Variants in BAZ1A observed in about 807,000 individuals in gnomAD.
The protein encoded by BAZ1A is bromodomain adjacent to zinc finger domain protein 1A.
BAZ1A carries 50 observed loss-of-function variants against 185.2 expected under a neutral mutation model. That is an observed-to-expected ratio of 0.27 (90% CI 0.22 to 0.34). The LOEUF (loss-of-function observed/expected upper bound fraction) is 0.34. BAZ1A is among the 10% of genes least tolerant of loss of function. The pLI is 1.00. For missense variants in BAZ1A, 1,356 were observed against 1,839.9 expected, an observed-to-expected ratio of 0.74 and a Z score of 4.81; for synonymous variants, 571 against 615.6, an observed-to-expected ratio of 0.93 and a Z score of 1.07.
chr14:34,758,612 G>A, intron 25 of BAZ1A, 92 bp downstream of exon 25: 1 of 1,277,352 alleles, frequency 7.8e-7, no homozygotes, highest in Non-Finnish European at 1.1e-6. Context: ...AAACTAGACA[G>A]TGAGTAACAG....
At position 34,874,037 on chromosome 14, in the gene BAZ1A, C is replaced by T. The variant is rs1190443440; in HGVS notation, c.113+455G>A. Among the ~76,000 whole-genome samples the T allele has an allele frequency of 2.0e-5, 3 of 152,176 alleles. No individual in the cohort carries two copies. The highest frequency in any genetic ancestry group is 7.2e-5 in the African/African-American group (3 of 41,456). On this transcript the variant is annotated intron_variant, in intron 2 of 26. Transcript: ENST00000360310. The surrounding 1 kb of genome is among the most constrained non-coding windows in gnomAD (Gnocchi z 4.7). ...CCCAGCCCAGTCGTTTCCTGCCCAC[C>T]GGGGCAGGAATTCCCTTCCCCGGCC... is the stretch of plus-strand genomic sequence containing the variant.
intron 3 of BAZ1A, among the ~76,000 whole-genome samples, chr14:34,837,191 A>T (rs2042344205): frequency 6.6e-6 from 1 of 151,882 alleles, no homozygotes; most frequent in African/African-American, 2.4e-5. Context: ...GATAATCACT[A>T]GATTCTTACT....
In BAZ1A at chr14:34,801,167, AG is replaced by A; in HGVS notation, c.887del (p.Thr296IlefsTer17). 6.2e-7 allele frequency: 1 copy of A among 1,606,896 alleles called. No homozygotes were observed. Among genetic ancestry groups the A allele is most frequent in the Non-Finnish European group, 8.5e-7 (1 of 1,177,798 alleles). ...TAGCTTTGCTCCTATAACTTGCAAG[AG>A]TCTGTTTATTAGCAACATTGTCCTC... ...SQEDNVANKQ[T>X]LASYRSKATK... On this transcript the variant is annotated frameshift_variant, in exon 8 of 27. Transcript: ENST00000360310. LOFTEE classifies it high-confidence loss of function.
At chr14:34,799,756 C>A in intron 9 of BAZ1A, among the ~76,000 whole-genome samples, 1 of 151,892 alleles carries the variant, frequency 6.6e-6, no homozygotes. Context: ...GGATTACAGG[C>A]GCATACTACC....
intron 2 of BAZ1A, among the ~76,000 whole-genome samples, chr14:34,871,795 C>T (rs1316040202): frequency 6.6e-6 from 1 of 152,148 alleles, no homozygotes; most frequent in East Asian, 1.9e-4. Flanking sequence ...TGCTTGAACC[C>T]GGGAGGCAGA....
At chr14:34,797,468 A>T (rs1594850892) in intron 9 of BAZ1A, among the ~76,000 whole-genome samples, 1 of 152,084 alleles carries the variant, frequency 6.6e-6, no homozygotes, top group Admixed American at 6.6e-5. Context: ...CTGAGGCAGG[A>T]GAATTGCTTG....
chr14:34,872,284 G>A (rs1477692723), intron 2 of BAZ1A, among the ~76,000 whole-genome samples: 1 of 152,076 alleles, frequency 6.6e-6, no homozygotes, highest in Non-Finnish European at 1.5e-5. Context: ...GACTACAAAG[G>A]ATACAATTCC....
At chr14:34,860,646 C>T (rs2042754780) in intron 3 of BAZ1A, among the ~76,000 whole-genome samples, 1 of 151,776 alleles carries the variant, frequency 6.6e-6, no homozygotes, top group Non-Finnish European at 1.5e-5. Context: ...GTGGCTTACA[C>T]CTGTAATCCC....
chr14:34,819,277 A>C (rs1428369185), intron 4 of BAZ1A, among the ~76,000 whole-genome samples: 1 of 152,138 alleles, frequency 6.6e-6, no homozygotes, highest in East Asian at 1.9e-4. Flanking sequence ...GTCTTGGAAC[A>C]TATCCCCCAT....
At chr14:34,779,764 T>C (rs73249117) in intron 17 of BAZ1A, among the ~76,000 whole-genome samples, 95 of 152,304 alleles carry the variant, frequency 6.2e-4, no homozygotes, top group African/African-American at 2.1e-3. Context: ...TTATGAGCAT[T>C]ATTGATCTTT....
intron 3 of BAZ1A, among the ~76,000 whole-genome samples, chr14:34,833,644 T>A (rs1474729368): frequency 6.6e-6 from 1 of 151,858 alleles, no homozygotes; most frequent in Non-Finnish European, 1.5e-5. Flanking sequence ...AATAGGCAAA[T>A]TCACAGAGAA....
intron 21 of BAZ1A, among the ~76,000 whole-genome samples, chr14:34,768,250 C>T (rs1017544525): frequency 7.2e-5 from 11 of 152,116 alleles, no homozygotes; most frequent in Admixed American, 2.0e-4. Context: ...TCATACTGTT[C>T]AATGGCCACT....
intron 3 of BAZ1A, among the ~76,000 whole-genome samples, chr14:34,829,349 T>TGC (rs1399043397): frequency 6.7e-6 from 1 of 149,144 alleles, no homozygotes; most frequent in Non-Finnish European, 1.5e-5. Context: ...ATCCTACAAC[T>TGC]GCATGCACCC....
At chr14:34,832,634 A>G (rs180967875) in intron 3 of BAZ1A, among the ~76,000 whole-genome samples, 11 of 152,328 alleles carry the variant, frequency 7.2e-5, no homozygotes, top group East Asian at 1.9e-4. Flanking sequence ...AGATGGTTAT[A>G]TATTTTTTCT....
chr14:34,862,018 A>G lies in BAZ1A; in HGVS notation c.392+26T>C, dbSNP rs1343956895. 12 of 1,603,900 alleles carry G rather than the reference A, an allele frequency of 7.5e-6. No homozygotes were observed. In the South Asian group the frequency reaches 1.2e-4, roughly 16 times the overall value. ...TGAGCAATGTGAATATAAACTTACC[A>G]AGAGGAAAAATTAAAAGTACTTTAC... is the stretch of plus-strand genomic sequence containing the variant. On this transcript the variant is annotated intron_variant, in intron 3 of 26. Coordinates refer to ENST00000360310, the MANE Select transcript of BAZ1A (RefSeq NM_013448.3).
At chr14:34,807,669 T>G in intron 5 of BAZ1A, 131 bp from the exon 6 acceptor site, 1 of 558,546 alleles carries the variant, frequency 1.8e-6, no homozygotes. Context: ...CTTCATCTTC[T>G]AACAGTATTT....
intron 24 of BAZ1A, 79 bp downstream of exon 24, chr14:34,761,678 G>T (rs1002392072): frequency 3.9e-6 from 5 of 1,279,284 alleles, no homozygotes; most frequent in Non-Finnish European, 4.4e-6. Context: ...TTTAAAAAAT[G>T]ATCCAAAGTA....
rs115230944 is a variant in BAZ1A, at chr14:34,862,145, A to G, written c.291T>C (p.His97=). ...CACAAATTTCATGTAAGCGCGAACG[A>G]TGGGTAAGGCTGGTCAAGTATAAAA... The part of the protein sequence containing the change: ...IPVLYLTSLT[H]RSRLHEICDD... Residue 97 remains histidine (H), a synonymous_variant, in exon 3 of 27, where the codon CAT becomes CAC. Coordinates refer to ENST00000360310, the MANE Select transcript of BAZ1A (RefSeq NM_013448.3). The G allele has an allele frequency of 1.1e-5, 18 of 1,614,170 alleles. No individual in the cohort carries two copies. In the East Asian group the frequency reaches 2.7e-4, roughly 24 times the overall value.
At chr14:34,844,074 C>T (rs545519625) in intron 3 of BAZ1A, among the ~76,000 whole-genome samples, 6 of 150,764 alleles carry the variant, frequency 4.0e-5, no homozygotes, top group South Asian at 4.2e-4. Context: ...GGCGTGGTAG[C>T]GGGCGCCTGT....
Sources: allele counts gnomAD v4.1 joint callset (sites outside exome capture counted in the v4.1 genomes callset), GRCh38; gene constraint gnomAD v4.1.1; non-coding constraint Gnocchi (gnomAD v3.1); transcripts MANE v1.5; gene names NCBI Gene and HGNC (gene_info 2026-07-23, HGNC 2026-07-21).